GOLM1: variants seen among roughly 807,000 people sequenced by gnomAD.
The protein encoded by GOLM1 is epididymis luminal protein 46.
Under a neutral mutation model 50.5 loss-of-function variants are expected in GOLM1, and 31 were observed. That is an observed-to-expected ratio of 0.61 (90% CI 0.46 to 0.83). The LOEUF (loss-of-function observed/expected upper bound fraction) is 0.83, where lower values mean the gene tolerates loss of function less well. Among genes scored for constraint, GOLM1 ranks in the 40% least tolerant of loss-of-function variants. The pLI is 0.00. For synonymous variants in GOLM1, 178 were observed against 192.8 expected, an observed-to-expected ratio of 0.92 and a Z score of 0.64; for missense variants, 491 against 501.3, an observed-to-expected ratio of 0.98 and a Z score of 0.20.
intron 3 of GOLM1, among the ~76,000 whole-genome samples, chr9:86,059,372 A>C (rs1405592724): frequency 6.6e-6 from 1 of 152,272 alleles, no homozygotes; most frequent in East Asian, 1.9e-4. Context: ...ATAGGAGAGA[A>C]GTATTACCGA....
chr9:86,028,088 T>C (rs879476936), intron 9 of GOLM1, among the ~76,000 whole-genome samples, 195 bp from the exon 10 acceptor site: 1 of 151,852 alleles, frequency 6.6e-6, no homozygotes, highest in Non-Finnish European at 1.5e-5. Flanking sequence ...GACAGGGAAG[T>C]GCTGGGTAGA....
In GOLM1 at chr9:86,052,540, G is replaced by A; in HGVS notation, c.361C>T (p.Gln121Ter). Residue 121 changes from glutamine (Q) to a stop codon, truncating the protein, a stop_gained, in exon 4 of 10, where the codon CAA (glutamine) becomes TAA (stop). Coordinates refer to ENST00000388712, the MANE Select transcript of GOLM1 (RefSeq NM_016548.4). LOFTEE classifies it high-confidence loss of function. ...TGGAGGAGCGAGCGGAACTTACCTT[G>A]CAGCACTCGGATGAGCCTCTCACCT... The part of the protein sequence containing the change: ...TTGERLIRVL[Q>*]DQLKTLQRNY... 6.2e-7 allele frequency: 1 copy of A among 1,613,544 alleles called. No individual in the cohort carries two copies. Among genetic ancestry groups the A allele is most frequent in the South Asian group, 1.1e-5 (1 of 91,076 alleles).
At chr9:86,086,157 C>A (rs1172770468) in intron 1 of GOLM1, among the ~76,000 whole-genome samples, 1 of 152,160 alleles carries the variant, frequency 6.6e-6, no homozygotes, top group Non-Finnish European at 1.5e-5. Context: ...TTTTAATGAT[C>A]ACCATTCTAA....
chr9:86,073,186 G>T (rs1260172458), intron 3 of GOLM1, among the ~76,000 whole-genome samples: 1 of 151,146 alleles, frequency 6.6e-6, no homozygotes, highest in East Asian at 1.9e-4. Flanking sequence ...CCGGTTTCTA[G>T]ATCAGCTAGC....
chr9:86,042,394 T>G (rs1833384811), intron 5 of GOLM1, among the ~76,000 whole-genome samples: 1 of 151,964 alleles, frequency 6.6e-6, no homozygotes, highest in Non-Finnish European at 1.5e-5. Flanking sequence ...CTTTTCTGAG[T>G]TGCAGGCATT....
At chr9:86,044,819 G>A (rs1445727124) in intron 5 of GOLM1, among the ~76,000 whole-genome samples, 1 of 151,986 alleles carries the variant, frequency 6.6e-6, no homozygotes, top group Admixed American at 6.6e-5. Flanking sequence ...AGGTGTGGTG[G>A]CACGTGCCCA....
At chr9:86,031,154 G>C (rs1461704041) in intron 9 of GOLM1, among the ~76,000 whole-genome samples, 1 of 151,920 alleles carries the variant, frequency 6.6e-6, no homozygotes, top group Non-Finnish European at 1.5e-5. Flanking sequence ...AGGTTGCAGT[G>C]AGCCGAGATC....
chr9:86,032,366 A>G (rs1233834271), intron 9 of GOLM1, among the ~76,000 whole-genome samples: 2 of 152,032 alleles, frequency 1.3e-5, no homozygotes, highest in South Asian at 4.2e-4. Flanking sequence ...ACGGGGTTTC[A>G]CCGTGTTAGC....
At chr9:86,060,977 A>T (rs1834146814) in intron 3 of GOLM1, among the ~76,000 whole-genome samples, 1 of 147,210 alleles carries the variant, frequency 6.8e-6, no homozygotes, top group South Asian at 2.2e-4. Flanking sequence ...ACTTGACATG[A>T]GGAATTCCTG....
Position 86,027,395 on chromosome 9 carries a change from C to G in GOLM1, c.*422G>C. The G allele has an allele frequency of 1.0e-6, 1 of 994,542 alleles. No homozygotes were observed. The highest frequency in any genetic ancestry group is 1.2e-6 in the Non-Finnish European group (1 of 836,072). 61.6% of individuals were successfully genotyped at this position (994,542 alleles called of 1,614,324 possible). A position where few individuals can be genotyped will look rare whatever the true frequency, so the allele number is the denominator to read the frequency against. On this transcript the variant is annotated 3_prime_UTR_variant, in exon 10 of 10. Coordinates refer to ENST00000388712, the MANE Select transcript of GOLM1 (RefSeq NM_016548.4). ...AACAGGTAACAGGCTGGCACCAGCA[C>G]TTGGTACAGCACGTGGACAGGACGA...
At chr9:86,030,573 A>T (rs1587691184) in intron 9 of GOLM1, among the ~76,000 whole-genome samples, 1 of 152,218 alleles carries the variant, frequency 6.6e-6, no homozygotes, top group East Asian at 1.9e-4. Context: ...CCTTCAAAAA[A>T]GACCAACAAC....
rs141093864 is a variant in GOLM1 at position 86,040,881 on chromosome 9, A to C, written c.468-13T>G. ...GATGCACTGGCTCCTTTGGTGAAAGAAAGCAAAGGAAGGGCCTGACGTCTA... is the reference window on the plus strand; with the variant it reads ...GATGCACTGGCTCCTTTGGTGAAAGCAAGCAAAGGAAGGGCCTGACGTCTA... On this transcript the variant is annotated splice_polypyrimidine_tract_variant and intron_variant, in intron 5 of 9. Coordinates refer to ENST00000388712, the MANE Select transcript of GOLM1 (RefSeq NM_016548.4). 3.3e-4 allele frequency: 539 copies of C among 1,612,672 alleles called. 2 individuals are homozygous for C. The highest frequency in any genetic ancestry group is 1.3e-3 in the East Asian group (57 of 44,870).
At chr9:86,031,474 T>TTC (rs1554781520) in intron 9 of GOLM1, among the ~76,000 whole-genome samples, 231 of 139,442 alleles carry the variant, frequency 1.7e-3, no homozygotes, top group Non-Finnish European at 3.1e-3. Context: ...TTTTTTTTTT[T>TTC]CCCCGAGACG....
intron 5 of GOLM1, among the ~76,000 whole-genome samples, 176 bp from the exon 6 acceptor site, chr9:86,041,044 G>T (rs1410485612): frequency 6.6e-6 from 1 of 152,034 alleles, no homozygotes; most frequent in African/African-American, 2.4e-5. Flanking sequence ...ATGACCAAAA[G>T]AAACACACTA....
chr9:86,053,283 C>T (rs542145882), intron 3 of GOLM1, among the ~76,000 whole-genome samples: 2 of 143,496 alleles, frequency 1.4e-5, no homozygotes, highest in East Asian at 4.3e-4. Flanking sequence ...ACACCACACA[C>T]CATTCCACAC....
chr9:86,061,857 A>C (rs1481799265), intron 3 of GOLM1, among the ~76,000 whole-genome samples: 1 of 152,144 alleles, frequency 6.6e-6, no homozygotes. Flanking sequence ...GTCAAATGTC[A>C]GCGTAAATGG....
Position 86,026,833 on chromosome 9 carries a change from T to C in GOLM1, c.*984A>G. Reference sequence around the variant, plus strand: ...TACCACAAGCTAAATGTGTACACTATGATAAAAACAACCATTGTATTCCTG... The same window carrying C: ...TACCACAAGCTAAATGTGTACACTACGATAAAAACAACCATTGTATTCCTG... On this transcript the variant is annotated 3_prime_UTR_variant, in exon 10 of 10. Coordinates refer to ENST00000388712, the MANE Select transcript of GOLM1 (RefSeq NM_016548.4). The C allele has an allele frequency of 1.0e-6, 1 of 979,474 alleles. No individual in the cohort carries two copies. Among genetic ancestry groups the C allele is most frequent in the Non-Finnish European group, 1.2e-6 (1 of 824,534 alleles). The allele number at this position is 979,474 out of a possible 1,614,324, so 60.7% of individuals were successfully genotyped here.
intron 1 of GOLM1, among the ~76,000 whole-genome samples, chr9:86,085,502 T>G (rs1834930434): frequency 6.6e-6 from 1 of 151,564 alleles, no homozygotes; most frequent in Admixed American, 6.6e-5. Context: ...AATTATACTT[T>G]AAGCTCTGGG....
At chr9:86,073,428 A>G (rs79026047) in intron 3 of GOLM1, among the ~76,000 whole-genome samples, 2,680 of 152,310 alleles carry the variant, frequency 0.018, 76 homozygotes, top group African/African-American at 0.061. Flanking sequence ...ATAACAAATA[A>G]GATCAAAACC....
Sources: allele counts gnomAD v4.1 joint callset (sites outside exome capture counted in the v4.1 genomes callset), GRCh38; gene constraint gnomAD v4.1.1; transcripts MANE v1.5; gene names NCBI Gene and HGNC (gene_info 2026-07-23, HGNC 2026-07-21).